The following CRYBG3 variants were observed in gnomAD, a reference collection of about 807,000 sequenced individuals.
The protein encoded by CRYBG3 is crystallin beta-gamma domain containing 3, also known as very large A-kinase anchor protein.
A neutral mutation model predicts 244.2 loss-of-function variants in CRYBG3; 127 were observed. That is an observed-to-expected ratio of 0.52 (90% confidence interval 0.45 to 0.60). CRYBG3 has a LOEUF of 0.60. CRYBG3 is among the 20% of genes least tolerant of loss of function. The probability of loss-of-function intolerance (pLI) is 0.00; values close to 1 mark genes in which losing one functional copy is unlikely to be tolerated. For synonymous variants in CRYBG3, 1,132 were observed against 1,195.8 expected (o/e 0.95, Z 1.10); for missense variants, 3,325 against 3,442.5 (o/e 0.97, Z 0.85).
Position 97,877,298 on chromosome 3 carries a change from C to T in CRYBG3, c.6104C>T (p.Pro2035Leu). 1.2e-6 allele frequency: 2 copies of T among 1,614,122 alleles called. No homozygotes were observed. The highest frequency in any genetic ancestry group is 1.1e-5 in the South Asian group (1 of 91,086). ...CATGATACGTCCGCTGACAGCATGCCTGTTCTGGCATGTGAAAGGTCTGAG... is the reference window on the plus strand; with the variant it reads ...CATGATACGTCCGCTGACAGCATGCTTGTTCTGGCATGTGAAAGGTCTGAG... Reference protein sequence around the residue: ...LFHDTSADSMPVLACERSESR... With the variant: ...LFHDTSADSMLVLACERSESR... The change falls in exon 4 of 22, where the codon CCT becomes CTT. Residue 2035 changes from proline to leucine, a missense_variant. This residue lies in a region of CRYBG3 where 450 missense variants were observed against 424.1 expected (regional missense o/e 1.06). Transcript: ENST00000389622.
intron 2 of CRYBG3, among the ~76,000 whole-genome samples, chr3:97,847,583 G>A (rs9289469): frequency 0.68 from 104,061 of 152,138 alleles, 38,162 homozygotes; most frequent in East Asian, 0.82. Context: ...AAAAATAACA[G>A]TGGCAGTAAG....
intron 20 of CRYBG3, 142 bp downstream of exon 20, chr3:97,941,448 T>A: frequency 1.9e-6 from 1 of 534,820 alleles, no homozygotes; most frequent in Non-Finnish European, 3.2e-6. Context: ...CTGCCATATA[T>A]TACTAAAACA....
At position 97,898,989 on chromosome 3, in the gene CRYBG3, G is replaced by A; in HGVS notation, c.7808G>A (p.Gly2603Asp). 1.2e-6 allele frequency: 2 copies of A among 1,612,928 alleles called. No individual in the cohort carries two copies. The highest frequency in any genetic ancestry group is 1.7e-5 in the Admixed American group (1 of 59,850). ...EISDLEEIGF[G>D]SKTRSIHVKS... ...TCTGATTTGGAAGAAATTGGCTTTG[G>A]CAGTAAAACAAGATCCATTCATGTT... Residue 2603 changes from glycine (G) to aspartate (D), a missense_variant, in exon 13 of 22, where the codon GGC (glycine) becomes GAC (aspartate). Physicochemically the swap from Gly to Asp is moderately conservative, Grantham distance 94. Transcript: ENST00000389622.
intron 18 of CRYBG3, among the ~76,000 whole-genome samples, chr3:97,935,755 C>T (rs1269379174): frequency 6.6e-6 from 1 of 152,006 alleles, no homozygotes; most frequent in East Asian, 1.9e-4. Context: ...CCTGGATGAC[C>T]CTGTTCCTGA....
At chr3:97,895,092 T>C (rs2039624830) in intron 11 of CRYBG3, among the ~76,000 whole-genome samples, 1 of 152,156 alleles carries the variant, frequency 6.6e-6, no homozygotes, top group Non-Finnish European at 1.5e-5. Context: ...GCTCCTGAAT[T>C]TCAAATTTCC....
chr3:97,931,718 A>G (rs1412558973), intron 17 of CRYBG3, among the ~76,000 whole-genome samples: 1 of 151,774 alleles, frequency 6.6e-6, no homozygotes, highest in Admixed American at 6.6e-5. Flanking sequence ...GACTTTTCAC[A>G]TTTTTCCTCA....
chr3:97,859,139 C>T (rs552580313), intron 2 of CRYBG3, among the ~76,000 whole-genome samples: 2 of 152,198 alleles, frequency 1.3e-5, no homozygotes, highest in African/African-American at 4.8e-5. Context: ...TTTGGTTTTG[C>T]TGGGGGCAGT....
rs901911528 is a variant in CRYBG3 at position 97,872,028 on chromosome 3, G to A, written c.834G>A (p.Gly278=). Reference sequence around the variant, plus strand: ...ACCCTGGAAGTGAGATTGAGGCTGGGGTACTGCCACTGTTGTTATCAGCTA... The same window carrying A: ...ACCCTGGAAGTGAGATTGAGGCTGGAGTACTGCCACTGTTGTTATCAGCTA... ...HIDPGSEIEA[G]VLPLLLSAST... is the part of the protein sequence containing the mutation. The change falls in exon 4 of 22, where the codon GGG becomes GGA. Residue 278 remains glycine (G), a synonymous_variant. Coordinates refer to ENST00000389622, the MANE Select transcript of CRYBG3 (RefSeq NM_153605.4). The A allele has an allele frequency of 2.6e-6, 4 of 1,535,704 alleles. No individual in the cohort carries two copies. Among genetic ancestry groups the A allele is most frequent in the Non-Finnish European group, 3.5e-6 (4 of 1,146,686 alleles).
intron 15 of CRYBG3, 56 bp from the exon 16 acceptor site, chr3:97,912,111 G>C (rs754393369): frequency 7.0e-5 from 57 of 811,216 alleles, no homozygotes; most frequent in Admixed American, 2.7e-4. Context: ...TTATTTGCTC[G>C]TGATCATCTA....
At position 97,872,044 on chromosome 3, in the gene CRYBG3, T is replaced by C. The variant is rs2108212889; in HGVS notation, c.850T>C (p.Leu284=). The C allele has an allele frequency of 2.0e-6, 3 of 1,535,724 alleles. No individual in the cohort carries two copies. The highest frequency in any genetic ancestry group is 1.7e-4 in the Middle Eastern group (1 of 5,988). Residue 284 remains leucine, a synonymous_variant, in exon 4 of 22, where the codon TTA becomes CTA. Transcript: ENST00000389622. ...TGAGGCTGGGGTACTGCCACTGTTG[T>C]TATCAGCTAGTACAGACTCATCTAT... The part of the protein sequence containing the change: ...EIEAGVLPLL[L]SASTDSSMKG...
At chr3:97,896,158 G>T in intron 12 of CRYBG3, 73 bp downstream of exon 12, 2 of 1,352,166 alleles carry the variant, frequency 1.5e-6, no homozygotes, top group Non-Finnish European at 2.0e-6. Context: ...CATGACTCCT[G>T]ATAGAACATG....
Position 97,898,909 on chromosome 3 carries a change from A to AT in CRYBG3, c.7731dup (p.Glu2578Ter). 1 of 1,601,384 alleles carries AT rather than the reference A, an allele frequency of 6.2e-7. No individual in the cohort carries two copies. On this transcript the variant is annotated frameshift_variant, in exon 13 of 22. Coordinates refer to ENST00000389622, the MANE Select transcript of CRYBG3 (RefSeq NM_153605.4). LOFTEE classifies it high-confidence loss of function. Reference sequence around the variant, plus strand: ...ATTTTATAGAATCTTCTGTCACACTATTTGAATCTGACCTAGAAAGTGGGA... The same window carrying AT: ...ATTTTATAGAATCTTCTGTCACACTATTTTGAATCTGACCTAGAAAGTGGGA...
intron 7 of CRYBG3, among the ~76,000 whole-genome samples, chr3:97,886,101 T>C (rs1403070182): frequency 6.6e-6 from 1 of 152,112 alleles, no homozygotes; most frequent in Non-Finnish European, 1.5e-5. Flanking sequence ...GGAAATGGAG[T>C]CCTACAGGGA....
intron 17 of CRYBG3, among the ~76,000 whole-genome samples, chr3:97,925,817 C>A (rs999634580): frequency 2.0e-5 from 3 of 151,716 alleles, no homozygotes; most frequent in African/African-American, 7.3e-5. Flanking sequence ...ATATGGTCAT[C>A]TATGTTATTC....
intron 2 of CRYBG3, among the ~76,000 whole-genome samples, chr3:97,863,390 G>A (rs577464086): frequency 3.3e-5 from 5 of 152,154 alleles, no homozygotes; most frequent in Non-Finnish European, 7.4e-5. Flanking sequence ...GCATTAATGT[G>A]AGTTTGCTTT....
chr3:97,934,346 T>G (rs1313088624), intron 18 of CRYBG3, among the ~76,000 whole-genome samples: 2 of 152,052 alleles, frequency 1.3e-5, no homozygotes, highest in Non-Finnish European at 2.9e-5. Context: ...TCAATGTGAA[T>G]ACTTAGGACA....
rs1252240215 is a variant in CRYBG3, at chr3:97,918,458, A to C, written c.8241+2722A>C. ...CTCTTAATTTATCTGTATCTCAGTT[A>C]ATTCTTCTGTAAAGAAACTGTTAGA... is the stretch of plus-strand genomic sequence containing the variant. On this transcript the variant is annotated intron_variant, in intron 17 of 21. Coordinates refer to ENST00000389622, the MANE Select transcript of CRYBG3 (RefSeq NM_153605.4). Among the ~76,000 whole-genome samples, 3 of 152,164 alleles carry C rather than the reference A, an allele frequency of 2.0e-5. No individual in the cohort carries two copies. In the East Asian group the frequency reaches 5.8e-4, roughly 29 times the overall value.
At chr3:97,867,521 G>A (rs1308869612) in intron 3 of CRYBG3, among the ~76,000 whole-genome samples, 1 of 152,168 alleles carries the variant, frequency 6.6e-6, no homozygotes, top group Non-Finnish European at 1.5e-5. Context: ...GTATCCGTAT[G>A]TGTTACCTAG....
intron 2 of CRYBG3, among the ~76,000 whole-genome samples, chr3:97,856,473 G>A (rs1409260136): frequency 6.6e-6 from 1 of 152,188 alleles, no homozygotes; most frequent in East Asian, 1.9e-4. Context: ...GATTGGGGAA[G>A]TGATAAGTGT....
Sources: gnomAD v4.1 joint callset for allele counts (sites outside exome capture counted in the v4.1 genomes callset) on GRCh38, gnomAD v4.1.1 for gene constraint, gnomAD v4.1.1 regional missense constraint, MANE v1.5 for transcripts, NCBI Gene and HGNC (gene_info 2026-07-23, HGNC 2026-07-21) for gene names.